Variants in GNL2 observed in about 807,000 individuals in gnomAD.
GNL2 encodes nucleolar GTP-binding protein 2.
GNL2 carries 51 observed loss-of-function variants against 92.3 expected under a neutral mutation model. That is an observed-to-expected ratio of 0.55 (90% CI 0.44 to 0.70). The LOEUF (loss-of-function observed/expected upper bound fraction) is 0.70, where lower values mean the gene tolerates loss of function less well. Among genes scored for constraint, GNL2 ranks in the 30% least tolerant of loss-of-function variants. GNL2 has a pLI of 0.00. For synonymous variants in GNL2, 283 were observed against 300.6 expected, an observed-to-expected ratio of 0.94 and a Z score of 0.61; for missense variants, 844 against 895.6, an observed-to-expected ratio of 0.94 and a Z score of 0.74.
At chr1:37,580,923 T>A (rs1173066436) in intron 8 of GNL2, among the ~76,000 whole-genome samples, 2 of 152,204 alleles carry the variant, frequency 1.3e-5, no homozygotes, top group Non-Finnish European at 2.9e-5. Flanking sequence ...AGACTACTCT[T>A]CCCAGCCTGT....
chr1:37,595,563 C>A lies in GNL2; in HGVS notation c.64+196G>T, dbSNP rs139559779. On this transcript the variant is annotated intron_variant, in intron 1 of 15. Transcript: ENST00000373062. ...TGGCCTGCCAGGCGTGCACTGAGCCCTCCTCAGTTCCCCCCTGAGAAGAAA... is the reference window on the plus strand; with the variant it reads ...TGGCCTGCCAGGCGTGCACTGAGCCATCCTCAGTTCCCCCCTGAGAAGAAA... 3.5e-3 allele frequency among the ~76,000 whole-genome samples: 526 copies of A among 152,348 alleles called. 2 individuals are homozygous for A. Among genetic ancestry groups the A allele is most frequent in the African/African-American group, 0.012 (498 of 41,574 alleles).
chr1:37,567,161 C>T (rs185889105), intron 15 of GNL2, among the ~76,000 whole-genome samples, 154 bp from the exon 16 acceptor site: 105 of 152,328 alleles, frequency 6.9e-4, no homozygotes, highest in African/African-American at 2.5e-3. Context: ...AGGGCTCCCC[C>T]GTAGACCTAA....
At chr1:37,569,586 G>A in intron 12 of GNL2, 1 of 339,290 alleles carries the variant, frequency 2.9e-6, no homozygotes, top group Non-Finnish European at 5.4e-6. Context: ...AGAAAAGCAA[G>A]GCTCCCTAGA....
chr1:37,566,941 C>A lies in GNL2; in HGVS notation c.2110G>T (p.Val704Leu), dbSNP rs558211610. 1.9e-6 allele frequency: 3 copies of A among 1,613,874 alleles called. No homozygotes were observed. The highest frequency in any genetic ancestry group is 2.2e-5 in the East Asian group (1 of 44,898). The change falls in exon 16 of 16, where the codon GTG becomes TTG. Residue 704 changes from valine to leucine, a missense_variant. Physicochemically the swap from Val to Leu is conservative, Grantham distance 32 (BLOSUM62 1). Transcript: ENST00000373062. ...VGVRYYETHN[V>L]KNRNRNKKKT... ...TTTTTGTTCCTGTTCCTATTTTTCA[C>A]GTTGTGTGTTTCATAGTAGCGCACA... is the stretch of plus-strand genomic sequence containing the variant.
At chr1:37,589,522 G>A (rs1643875421) in intron 4 of GNL2, among the ~76,000 whole-genome samples, 1 of 152,068 alleles carries the variant, frequency 6.6e-6, no homozygotes, top group African/African-American at 2.4e-5. Context: ...TAGCCAGGAT[G>A]GTCTCAATCT....
chr1:37,571,661 C>T (rs1041333381), intron 12 of GNL2, among the ~76,000 whole-genome samples: 30 of 152,204 alleles, frequency 2.0e-4, no homozygotes, highest in African/African-American at 6.8e-4. Context: ...GGTGACCCTA[C>T]GGTTAAACTT....
Position 37,575,097 on chromosome 1 carries a change from T to A in GNL2, c.1144-274A>T, listed in dbSNP as rs529979325. 1.3e-5 allele frequency among the ~76,000 whole-genome samples: 2 copies of A among 152,316 alleles called. No individual in the cohort carries two copies. The highest frequency in any genetic ancestry group is 4.1e-4 in the South Asian group (2 of 4,832). The stretch of plus-strand genomic sequence containing the variant: ...CACAGTTTAAACTTGGAATGCTTCA[T>A]GTTACTCACTTGCAGAAATGGTTAA... On this transcript the variant is annotated intron_variant, in intron 10 of 15. Transcript: ENST00000373062. This position sits in a 1 kb window ranked among gnomAD's most constrained non-coding sequence, Gnocchi z 4.1.
intron 5 of GNL2, among the ~76,000 whole-genome samples, chr1:37,586,989 G>A (rs545390265): frequency 2.0e-5 from 3 of 152,278 alleles, no homozygotes; most frequent in East Asian, 1.9e-4. Flanking sequence ...TACCTCGACC[G>A]GGTGCAGTGG....
rs1490815065 is a variant in GNL2, at chr1:37,592,787, T to A, written c.169A>T (p.Ile57Phe). 1 of 1,602,470 alleles carries A rather than the reference T, an allele frequency of 6.2e-7. No individual in the cohort carries two copies. Among genetic ancestry groups the A allele is most frequent in the African/African-American group, 1.3e-5 (1 of 74,828 alleles). Residue 57 changes from isoleucine to phenylalanine, a missense_variant, in exon 3 of 16, where the codon ATT (isoleucine) becomes TTT (phenylalanine). Coordinates refer to ENST00000373062, the MANE Select transcript of GNL2 (RefSeq NM_013285.3). ...GTTGATTGATATTGCAGGGGTTTAA[T>A]TATTTTACCACGACTGTTCCTAAAT... ...KERRNSRGKI[I>F]KPLQYQSTVA...
intron 1 of GNL2, 115 bp downstream of exon 1, chr1:37,595,644 C>G: frequency 2.4e-6 from 2 of 846,918 alleles, no homozygotes; most frequent in Non-Finnish European, 3.9e-6. Flanking sequence ...CCACCCCGCT[C>G]GTAGTCATTC....
intron 12 of GNL2, among the ~76,000 whole-genome samples, chr1:37,572,837 T>C (rs1643616241): frequency 6.6e-6 from 1 of 152,168 alleles, no homozygotes; most frequent in African/African-American, 2.4e-5. Flanking sequence ...ACCTAGTCCT[T>C]AACTTGTGGG....
At chr1:37,574,216 A>C (rs1301048266) in intron 12 of GNL2, 127 bp downstream of exon 12, 1 of 478,910 alleles carries the variant, frequency 2.1e-6, no homozygotes, top group African/African-American at 2.0e-5. Flanking sequence ...ATATATTTAA[A>C]AAAATAATAA....
intron 8 of GNL2, among the ~76,000 whole-genome samples, chr1:37,578,789 A>T (rs1423999100): frequency 6.6e-6 from 1 of 152,120 alleles, no homozygotes; most frequent in Non-Finnish European, 1.5e-5. Context: ...AGAACTCCTG[A>T]GCTCAAGCGA....
Position 37,590,860 on chromosome 1 carries a change from A to G in GNL2, c.245-15T>C. 1 of 1,540,634 alleles carries G rather than the reference A, an allele frequency of 6.5e-7. No individual in the cohort carries two copies. Among genetic ancestry groups the G allele is most frequent in the Non-Finnish European group, 8.7e-7 (1 of 1,146,052 alleles). ...ACGTGTGTTTCCTGTTTTACAAATA[A>G]AGAATGTTGCCACTTAGTTAATATT... is the stretch of plus-strand genomic sequence containing the variant. On this transcript the variant is annotated splice_polypyrimidine_tract_variant and intron_variant, in intron 3 of 15. Transcript: ENST00000373062.
intron 2 of GNL2, 107 bp downstream of exon 2, chr1:37,593,655 T>C: frequency 1.4e-6 from 1 of 724,564 alleles, no homozygotes; most frequent in South Asian, 1.7e-5. Context: ...AATATATAAC[T>C]CCTATTTGGA....
Position 37,574,240 on chromosome 1 carries a change from G to A in GNL2, c.1416+103C>T, listed in dbSNP as rs866858010. 26 of 563,506 alleles carry A rather than the reference G, an allele frequency of 4.6e-5. No homozygotes were observed. In the Middle Eastern group the frequency reaches 2.7e-3, roughly 59 times the overall value. 34.9% of individuals were successfully genotyped at this position (563,506 alleles called of 1,614,324 possible). Reference sequence around the variant, plus strand: ...AAAAAATAATAAAATGAGAGACACCGCAGCTGAATGAATACACGCTCTATG... The same window carrying A: ...AAAAAATAATAAAATGAGAGACACCACAGCTGAATGAATACACGCTCTATG... On this transcript the variant is annotated intron_variant, in intron 12 of 15. Coordinates refer to ENST00000373062, the MANE Select transcript of GNL2 (RefSeq NM_013285.3).
intron 8 of GNL2, chr1:37,581,625 T>A (rs72659408): frequency 2.4e-6 from 1 of 408,608 alleles, no homozygotes; most frequent in African/African-American, 2.1e-5. Context: ...TCTCTTATAA[T>A]CCTGATGCTC....
At chr1:37,582,083 C>T (rs1570062732) in intron 8 of GNL2, 140 bp downstream of exon 8, 1 of 565,840 alleles carries the variant, frequency 1.8e-6, no homozygotes, top group East Asian at 3.0e-5. Context: ...GCCTCAGCGT[C>T]CTGAGTAGCT....
At chr1:37,589,049 C>G (rs1643872040) in intron 4 of GNL2, among the ~76,000 whole-genome samples, 1 of 152,212 alleles carries the variant, frequency 6.6e-6, no homozygotes, top group Non-Finnish European at 1.5e-5. Flanking sequence ...CTGTTCTTCT[C>G]ATAAACAGGA....
Sources: gnomAD v4.1 joint callset for allele counts (sites outside exome capture counted in the v4.1 genomes callset) on GRCh38, gnomAD v4.1.1 for gene constraint, Gnocchi (gnomAD v3.1) non-coding constraint, MANE v1.5 for transcripts, NCBI Gene and HGNC (gene_info 2026-07-23, HGNC 2026-07-21) for gene names.